The following PADI2 variants were observed in gnomAD, a reference collection of about 807,000 sequenced individuals.
PADI2 encodes the protein peptidyl arginine deiminase 2, also known as protein-arginine deiminase type-2.
Under a neutral mutation model 81.1 loss-of-function variants are expected in PADI2, and 70 were observed. The observed-to-expected ratio is 0.86, with a 90% CI of 0.71 to 1.05. The LOEUF (loss-of-function observed/expected upper bound fraction) is 1.05. Ranked by LOEUF, PADI2 falls within the 50% of genes least tolerant of loss-of-function variation. PADI2 has a pLI of 0.00. For missense variants in PADI2, 853 were observed against 889.9 expected (o/e 0.96, Z 0.53); for synonymous variants, 338 against 358.0 (o/e 0.94, Z 0.63).
rs188993672 is a variant in PADI2 at position 17,086,464 on chromosome 1, G to A, written c.834+57C>T. 2,261 of 1,446,174 alleles carry A rather than the reference G, an allele frequency of 1.6e-3. 23 individuals carry two copies. Among genetic ancestry groups the A allele is most frequent in the East Asian group, 5.0e-3 (207 of 41,654 alleles). 89.6% of individuals were successfully genotyped at this position (1,446,174 alleles called of 1,614,324 possible). On this transcript the variant is annotated intron_variant, in intron 7 of 15. Coordinates refer to ENST00000375486, the MANE Select transcript of PADI2 (RefSeq NM_007365.3). ...TAGCATAGGAATGGCCCACTAGTAG[G>A]AGACCCACCCTGGCCCCTGGGGTTA... is the stretch of plus-strand genomic sequence containing the variant.
Position 17,069,110 on chromosome 1 carries a change from T to A in PADI2, c.1932A>T (p.Glu644Asp), listed in dbSNP as rs748107279. The A allele has an allele frequency of 1.2e-5, 20 of 1,614,236 alleles. No homozygotes were observed. Among genetic ancestry groups the A allele is most frequent in the African/African-American group, 4.0e-5 (3 of 75,064 alleles). ...DISAYHKFLG[E>D]VHCGTNVRRK... Reference sequence around the variant, plus strand: ...TGCGGACGTTGGTGCCACAGTGGACTTCCCCCAGAAATTTGTGGTAGGCAG... The same window carrying A: ...TGCGGACGTTGGTGCCACAGTGGACATCCCCCAGAAATTTGTGGTAGGCAG... The change falls in exon 16 of 16, where the codon GAA becomes GAT. Residue 644 changes from glutamate to aspartate, a missense_variant. Coordinates refer to ENST00000375486, the MANE Select transcript of PADI2 (RefSeq NM_007365.3).
intron 15 of PADI2, 33 bp from the exon 16 acceptor site, chr1:17,069,310 C>A: frequency 1.3e-6 from 2 of 1,538,980 alleles, no homozygotes; most frequent in African/African-American, 2.7e-5. Flanking sequence ...CAACAGCTTC[C>A]ATTTAGTGAG....
intron 3 of PADI2, among the ~76,000 whole-genome samples, chr1:17,100,705 A>G (rs963231670): frequency 7.0e-6 from 1 of 142,898 alleles, no homozygotes; most frequent in African/African-American, 2.6e-5. Flanking sequence ...TCTGTCGCCC[A>G]GGCTGGAGGG....
intron 1 of PADI2, among the ~76,000 whole-genome samples, chr1:17,113,654 C>T (rs1931661055): frequency 6.6e-6 from 1 of 152,166 alleles, no homozygotes; most frequent in Admixed American, 6.5e-5. Flanking sequence ...AATGAGAGCC[C>T]CTTACTTATT....
chr1:17,070,490 T>A (rs1403329687), intron 14 of PADI2, among the ~76,000 whole-genome samples: 1 of 152,130 alleles, frequency 6.6e-6, no homozygotes, highest in East Asian at 1.9e-4. Flanking sequence ...GCTAAGTGCT[T>A]CCCACACAGC....
At position 17,079,265 on chromosome 1, in the gene PADI2, G is replaced by A. The variant is rs1364337350; in HGVS notation, c.1309C>T (p.Leu437=). The change falls in exon 11 of 16, where the codon CTG becomes TTG. Residue 437 remains leucine, a splice_region_variant and synonymous_variant. Coordinates refer to ENST00000375486, the MANE Select transcript of PADI2 (RefSeq NM_007365.3). ...TAGCCCCAGCCTGGCTTCTCTTACA[G>A]AGGAAAGCTGCTCCCGATGAGGATG... is the stretch of plus-strand genomic sequence containing the variant. The part of the protein sequence containing the change: ...GRILIGSSFP[L]SGGRRMTKVV... 1.2e-6 allele frequency: 2 copies of A among 1,613,094 alleles called. No individual in the cohort carries two copies. Among genetic ancestry groups the A allele is most frequent in the Admixed American group, 3.3e-5 (2 of 59,896 alleles).
At chr1:17,080,466 G>A (rs1433986411) in intron 10 of PADI2, among the ~76,000 whole-genome samples, 1 of 152,218 alleles carries the variant, frequency 6.6e-6, no homozygotes, top group African/African-American at 2.4e-5. Context: ...GCATAAAGAA[G>A]CAGAGTGGCA....
intron 3 of PADI2, among the ~76,000 whole-genome samples, 163 bp downstream of exon 3, chr1:17,102,824 G>A (rs1037445645): frequency 1.1e-4 from 16 of 152,082 alleles, no homozygotes; most frequent in African/African-American, 3.6e-4. Context: ...TGGAAGGACC[G>A]GGGTGGGGCA....
intron 10 of PADI2, 63 bp from the exon 11 acceptor site, chr1:17,079,478 GC>G: frequency 7.1e-7 from 1 of 1,409,614 alleles, no homozygotes; most frequent in Non-Finnish European, 9.9e-7. Context: ...CCCCAAGCCA[GC>G]CACCCTCTTT....
At chr1:17,069,453 G>A (rs146044293) in intron 15 of PADI2, among the ~76,000 whole-genome samples, 176 bp from the exon 16 acceptor site, 1 of 152,230 alleles carries the variant, frequency 6.6e-6, no homozygotes, top group Non-Finnish European at 1.5e-5. Context: ...TGGAAAACCA[G>A]GCAATCTGCC....
intron 2 of PADI2, among the ~76,000 whole-genome samples, chr1:17,104,597 C>A (rs368856311): frequency 2.2e-3 from 332 of 151,712 alleles, no homozygotes; most frequent in African/African-American, 7.7e-3. Flanking sequence ...CCATGCCTGG[C>A]TAATCTTTTG....
intron 1 of PADI2, among the ~76,000 whole-genome samples, chr1:17,114,692 G>GT (rs1258396401): frequency 6.6e-6 from 1 of 152,076 alleles, no homozygotes; most frequent in African/African-American, 2.4e-5. Flanking sequence ...GGGACTCAGG[G>GT]TAGGGCACCA....
intron 11 of PADI2, among the ~76,000 whole-genome samples, chr1:17,077,042 A>T (rs2078309159): frequency 6.6e-6 from 1 of 151,826 alleles, no homozygotes; most frequent in African/African-American, 2.4e-5. Context: ...TGCTCCAGCC[A>T]CCTGCTACAC....
At chr1:17,079,026 CT>C (rs2078324362) in intron 11 of PADI2, 1 of 370,648 alleles carries the variant, frequency 2.7e-6, no homozygotes, top group Non-Finnish European at 5.0e-6. Flanking sequence ...CATTATACAC[CT>C]TTCCACTTGG....
intron 6 of PADI2, among the ~76,000 whole-genome samples, chr1:17,089,737 C>G (rs142208930): frequency 1.3e-5 from 2 of 152,216 alleles, no homozygotes; most frequent in Non-Finnish European, 2.9e-5. Flanking sequence ...TGGCTCGGTG[C>G]AAACCCCACA....
chr1:17,116,100 C>T (rs1365024712), intron 1 of PADI2, among the ~76,000 whole-genome samples: 1 of 152,250 alleles, frequency 6.6e-6, no homozygotes, highest in African/African-American at 2.4e-5. Context: ...ATCCTTCCTC[C>T]TGTTCTCTGA....
At position 17,093,571 on chromosome 1, in the gene PADI2, C is replaced by G; in HGVS notation, c.525G>C (p.Lys175Asn). ...EDCRDEKVYS[K>N]EDLKDMSQMI... is the part of the protein sequence containing the mutation. ...AAGTGCAGGGCCTGCTGGCACCTTC[C>G]TTGCTGTAGACCTTCTCATCACGGC... Residue 175 changes from lysine to asparagine, a missense_variant, in exon 5 of 16, where the codon AAG (lysine) becomes AAC (asparagine). Lys to Asn is a moderately conservative substitution (Grantham distance 94, BLOSUM62 0). Coordinates refer to ENST00000375486, the MANE Select transcript of PADI2 (RefSeq NM_007365.3). The G allele has an allele frequency of 6.2e-6, 10 of 1,600,984 alleles. No homozygotes were observed. The highest frequency in any genetic ancestry group is 8.6e-6 in the Non-Finnish European group (10 of 1,168,424).
At position 17,115,033 on chromosome 1, in the gene PADI2, C is replaced by T. The variant is rs890621129; in HGVS notation, c.92+4247G>A. ...GATCTCAGACCCTCCTGGCCTTTGT[C>T]CTAATGACACTTTTTAAAAAAGCAA... On this transcript the variant is annotated intron_variant, in intron 1 of 15. Coordinates refer to ENST00000375486, the MANE Select transcript of PADI2 (RefSeq NM_007365.3). The surrounding 1 kb of genome is among the most constrained non-coding windows in gnomAD (Gnocchi z 4.1). 1.3e-5 allele frequency among the ~76,000 whole-genome samples: 2 copies of T among 152,158 alleles called. No homozygotes were observed. The highest frequency in any genetic ancestry group is 2.9e-5 in the Non-Finnish European group (2 of 68,014).
chr1:17,070,730 C>T (rs370242833), intron 14 of PADI2, among the ~76,000 whole-genome samples: 308 of 152,238 alleles, frequency 2.0e-3, no homozygotes, highest in Non-Finnish European at 3.5e-3. Flanking sequence ...GGCACGATCT[C>T]GGTTCACTGC....
Sources: allele counts gnomAD v4.1 joint callset (sites outside exome capture counted in the v4.1 genomes callset), GRCh38; gene constraint gnomAD v4.1.1; non-coding constraint Gnocchi (gnomAD v3.1); transcripts MANE v1.5; gene names NCBI Gene and HGNC (gene_info 2026-07-23, HGNC 2026-07-21).